LSAMP: variants seen among roughly 807,000 people sequenced by gnomAD.
The protein encoded by LSAMP is limbic system-associated membrane protein.
LSAMP carries 7 observed loss-of-function variants against 38.6 expected under a neutral mutation model. The ratio of observed to expected loss-of-function variants is 0.18; its 90% CI spans 0.10 to 0.34. LSAMP has a LOEUF of 0.34. LSAMP is among the 10% of genes least tolerant of loss of function. The pLI is 1.00. For missense variants in LSAMP, 313 were observed against 420.0 expected (o/e 0.75, Z 2.23); for synonymous variants, 154 against 166.8 (o/e 0.92, Z 0.59).
chr3:116,431,952 AAAAG>A (rs1488531572), intron 1 of LSAMP, among the ~76,000 whole-genome samples: 8 of 152,082 alleles, frequency 5.3e-5, no homozygotes, highest in Admixed American at 3.3e-4. Context: ...AGCAAATAGA[AAAAG>A]AAAGTGTTAG....
chr3:116,040,002 G>GAA (rs369232561), intron 2 of LSAMP, among the ~76,000 whole-genome samples: 2 of 151,708 alleles, frequency 1.3e-5, no homozygotes, highest in African/African-American at 4.9e-5. Context: ...TTTGGGGGGG[G>GAA]AAAAAAACTG....
At chr3:115,844,697 C>A in intron 4 of LSAMP, among the ~76,000 whole-genome samples, 1 of 152,136 alleles carries the variant, frequency 6.6e-6, no homozygotes, top group East Asian at 1.9e-4. Context: ...AATGTTGGGG[C>A]TGGGCATGAT....
At chr3:115,844,260 G>A (rs1576138760) in intron 4 of LSAMP, among the ~76,000 whole-genome samples, 6 of 152,084 alleles carry the variant, frequency 3.9e-5, no homozygotes. Context: ...CTCTTAAATT[G>A]CTAACTTTCC....
At chr3:115,922,637 T>C (rs993033576) in intron 3 of LSAMP, among the ~76,000 whole-genome samples, 4 of 152,088 alleles carry the variant, frequency 2.6e-5, no homozygotes, top group African/African-American at 4.8e-5. Flanking sequence ...ACTTTTTATT[T>C]GGGTCCACAC....
intron 1 of LSAMP, among the ~76,000 whole-genome samples, chr3:116,286,083 G>T (rs373247789): frequency 8.5e-5 from 13 of 152,250 alleles, no homozygotes; most frequent in African/African-American, 3.1e-4. Context: ...AGTAGTCCTG[G>T]ACTAACTAAC....
chr3:116,315,905 A>G (rs1052737377), intron 1 of LSAMP, among the ~76,000 whole-genome samples: 3 of 152,224 alleles, frequency 2.0e-5, no homozygotes, highest in Non-Finnish European at 2.9e-5. Flanking sequence ...AAATTTTGGA[A>G]TTTCAACTAC....
intron 3 of LSAMP, among the ~76,000 whole-genome samples, chr3:115,873,870 G>GCTT (rs1234155440): frequency 6.6e-6 from 1 of 152,042 alleles, no homozygotes; most frequent in East Asian, 1.9e-4. Flanking sequence ...CCTCTAGCTT[G>GCTT]CTTCCCATTT....
At chr3:116,047,314 G>T (rs112365339) in intron 2 of LSAMP, among the ~76,000 whole-genome samples, 1 of 150,636 alleles carries the variant, frequency 6.6e-6, no homozygotes, top group African/African-American at 2.4e-5. Context: ...TCAAAGAGTG[G>T]TACAGACTTA....
At chr3:116,101,148 C>T (rs755473135) in intron 1 of LSAMP, among the ~76,000 whole-genome samples, 1 of 152,164 alleles carries the variant, frequency 6.6e-6, no homozygotes, top group Non-Finnish European at 1.5e-5. Context: ...ACATGGGAGT[C>T]TTTTGCCTCT....
intron 1 of LSAMP, among the ~76,000 whole-genome samples, chr3:116,169,293 A>G (rs770304624): frequency 1.3e-5 from 2 of 152,158 alleles, no homozygotes; most frequent in Non-Finnish European, 2.9e-5. Flanking sequence ...GGAACACCAA[A>G]ACTTAAATTG....
chr3:116,290,300 T>C (rs563197774), intron 1 of LSAMP, among the ~76,000 whole-genome samples: 5 of 152,292 alleles, frequency 3.3e-5, no homozygotes, highest in Admixed American at 1.3e-4. Flanking sequence ...CCTTCTTACA[T>C]TGACACAGGG....
At chr3:116,140,836 A>C (rs1709352782) in intron 1 of LSAMP, among the ~76,000 whole-genome samples, 1 of 151,966 alleles carries the variant, frequency 6.6e-6, no homozygotes, top group South Asian at 2.1e-4. Flanking sequence ...AAAATTATAG[A>C]GGGAAAAATG....
chr3:115,866,509 T>G (rs906286487), intron 3 of LSAMP, among the ~76,000 whole-genome samples: 1 of 152,162 alleles, frequency 6.6e-6, no homozygotes, highest in Non-Finnish European at 1.5e-5. Flanking sequence ...CAAAAGCACC[T>G]TTGATGGGTG....
rs373513244 is a variant in LSAMP, at chr3:116,207,625, T to G, written c.156-121069A>C. 1.9e-3 allele frequency among the ~76,000 whole-genome samples: 293 copies of G among 151,970 alleles called. 1 individual carries two copies. Among genetic ancestry groups the G allele is most frequent in the Non-Finnish European group, 2.8e-3 (193 of 67,958 alleles). On this transcript the variant is annotated intron_variant, in intron 1 of 6. Transcript: ENST00000490035. Reference sequence around the variant, plus strand: ...GTGGTGACAAAATCTCTCAGCATTTTCTTGTCTGTAAAGGATTTTATTTCT... The same window carrying G: ...GTGGTGACAAAATCTCTCAGCATTTGCTTGTCTGTAAAGGATTTTATTTCT...
At chr3:116,068,280 G>T in intron 2 of LSAMP, among the ~76,000 whole-genome samples, 1 of 152,078 alleles carries the variant, frequency 6.6e-6, no homozygotes, top group Non-Finnish European at 1.5e-5. Context: ...CCATCCAGAA[G>T]AGTAATTTTA....
At chr3:116,194,373 T>C (rs976401351) in intron 1 of LSAMP, among the ~76,000 whole-genome samples, 1 of 145,038 alleles carries the variant, frequency 6.9e-6, no homozygotes, top group African/African-American at 2.5e-5. Flanking sequence ...TGTGGGGAAT[T>C]GTTTTTTGTT....
At chr3:115,810,744 G>A (rs560009548) in intron 6 of LSAMP, among the ~76,000 whole-genome samples, 5 of 152,262 alleles carry the variant, frequency 3.3e-5, no homozygotes, top group Admixed American at 6.5e-5. Context: ...GGCCCTGCCC[G>A]AAGTAACTCT....
intron 3 of LSAMP, among the ~76,000 whole-genome samples, chr3:115,996,597 C>T (rs1038852795): frequency 1.3e-5 from 2 of 151,756 alleles, no homozygotes; most frequent in African/African-American, 4.8e-5. Flanking sequence ...TGTGAAATGA[C>T]TCAATTTTTA....
At chr3:115,933,684 G>A (rs116412022) in intron 3 of LSAMP, among the ~76,000 whole-genome samples, 65 of 152,176 alleles carry the variant, frequency 4.3e-4, no homozygotes, top group Admixed American at 6.5e-4. Flanking sequence ...AAAGATCAGC[G>A]GCAGAAACGT....
Sources: gnomAD v4.1 joint callset for allele counts (sites outside exome capture counted in the v4.1 genomes callset) on GRCh38, gnomAD v4.1.1 for gene constraint, MANE v1.5 for transcripts, NCBI Gene and HGNC (gene_info 2026-07-23, HGNC 2026-07-21) for gene names.